The following NKAIN2 variants were observed in gnomAD, a reference collection of about 807,000 sequenced individuals.
NKAIN2 encodes the protein sodium/potassium transporting ATPase interacting 2.
In NKAIN2, 14 loss-of-function variants were observed where a neutral mutation model predicts 32.6. The observed-to-expected ratio is 0.43, with a 90% confidence interval of 0.28 to 0.67. The LOEUF (loss-of-function observed/expected upper bound fraction) is 0.67. Among genes scored for constraint, NKAIN2 ranks in the 30% least tolerant of loss-of-function variants. The pLI, the probability that NKAIN2 is intolerant of heterozygous loss-of-function variation, is 0.17. For synonymous variants in NKAIN2, 80 were observed against 87.2 expected (o/e 0.92, Z 0.46); for missense variants, 198 against 258.3 (o/e 0.77, Z 1.60).
chr6:123,930,652 A>G (rs1776212847), intron 1 of NKAIN2, among the ~76,000 whole-genome samples: 1 of 152,204 alleles, frequency 6.6e-6, no homozygotes, highest in Non-Finnish European at 1.5e-5. Flanking sequence ...CAAATCCCCT[A>G]GAATAGTAGA....
At chr6:124,399,144 C>T (rs62436282) in intron 3 of NKAIN2, among the ~76,000 whole-genome samples, 3,669 of 152,268 alleles carry the variant, frequency 0.024, 98 homozygotes, top group Non-Finnish European at 0.034. Flanking sequence ...CCAGGCTGGT[C>T]TTGAACTCCT....
intron 3 of NKAIN2, among the ~76,000 whole-genome samples, chr6:124,486,399 T>C (rs1397334633): frequency 6.6e-6 from 1 of 152,224 alleles, no homozygotes; most frequent in Non-Finnish European, 1.5e-5. Context: ...ATTTTTAATG[T>C]ATGAAATGTT....
intron 3 of NKAIN2, among the ~76,000 whole-genome samples, chr6:124,380,129 G>A (rs1657264947): frequency 6.6e-6 from 1 of 152,132 alleles, no homozygotes; most frequent in Non-Finnish European, 1.5e-5. Context: ...GAAGCAAGGG[G>A]CAGCCACCGC....
intron 2 of NKAIN2, among the ~76,000 whole-genome samples, chr6:124,343,721 C>G (rs980526353): frequency 6.7e-6 from 1 of 149,598 alleles, no homozygotes; most frequent in Non-Finnish European, 1.5e-5. Flanking sequence ...ATTGTAGATT[C>G]TGGATATTAG....
rs1191297109 is a variant in NKAIN2, at chr6:123,843,816, A to C, written c.54+39562A>C. ...AATGGGGGAAGTGTATGGGTGAACA[A>C]AGGTTGTCTTATGATGCAGCTAAAG... On this transcript the variant is annotated intron_variant, in intron 1 of 6. Transcript: ENST00000368417. Among the ~76,000 whole-genome samples the C allele has an allele frequency of 2.0e-5, 3 of 152,046 alleles. No homozygotes were observed. In the South Asian group the frequency reaches 6.2e-4, roughly 32 times the overall value.
At chr6:124,027,230 C>T (rs1434975427) in intron 1 of NKAIN2, among the ~76,000 whole-genome samples, 1 of 151,854 alleles carries the variant, frequency 6.6e-6, no homozygotes, top group African/African-American at 2.4e-5. Flanking sequence ...ACCTCCGCCT[C>T]CCGGGTTCAA....
chr6:124,757,734 G>A (rs1050404554), intron 4 of NKAIN2, among the ~76,000 whole-genome samples: 1 of 152,150 alleles, frequency 6.6e-6, no homozygotes, highest in East Asian at 1.9e-4. Context: ...GTGTAAGGTT[G>A]TCCAGAAATG....
chr6:124,325,114 T>A (rs149986693), intron 2 of NKAIN2, among the ~76,000 whole-genome samples: 5 of 152,222 alleles, frequency 3.3e-5, no homozygotes, highest in Admixed American at 3.3e-4. Flanking sequence ...ATGATTTGAA[T>A]AGCCTCATCA....
intron 3 of NKAIN2, among the ~76,000 whole-genome samples, chr6:124,625,209 G>GTGA (rs1290239464): frequency 3.3e-5 from 5 of 152,172 alleles, no homozygotes; most frequent in African/African-American, 9.6e-5. Flanking sequence ...AAATTGTGAA[G>GTGA]TGATAGTTGA....
chr6:123,824,767 C>G (rs894449555), intron 1 of NKAIN2, among the ~76,000 whole-genome samples: 1 of 151,750 alleles, frequency 6.6e-6, no homozygotes, highest in African/African-American at 2.4e-5. Context: ...AATTACTATC[C>G]CATTATCCAG....
chr6:124,607,443 C>T (rs1181173287), intron 3 of NKAIN2, among the ~76,000 whole-genome samples: 2 of 152,044 alleles, frequency 1.3e-5, no homozygotes, highest in Non-Finnish European at 2.9e-5. Context: ...CTTATTTGGG[C>T]ATGATACAAT....
chr6:124,381,049 C>T (rs1302008495), intron 3 of NKAIN2, among the ~76,000 whole-genome samples: 1 of 152,026 alleles, frequency 6.6e-6, no homozygotes, highest in Non-Finnish European at 1.5e-5. Context: ...AGTATATTTC[C>T]CTATAAGACC....
chr6:124,662,591 G>C (rs1784788318), intron 4 of NKAIN2, among the ~76,000 whole-genome samples: 1 of 152,206 alleles, frequency 6.6e-6, no homozygotes, highest in Admixed American at 6.5e-5. Context: ...GGTCAGTAAA[G>C]TCACAGATGT....
intron 1 of NKAIN2, among the ~76,000 whole-genome samples, chr6:124,074,178 T>C (rs976807133): frequency 1.3e-5 from 2 of 152,130 alleles, no homozygotes; most frequent in Non-Finnish European, 2.9e-5. Flanking sequence ...AGGGATGAAA[T>C]GTTGCCCACC....
chr6:124,290,855 T>G (rs1448518993), intron 2 of NKAIN2, among the ~76,000 whole-genome samples: 1 of 152,122 alleles, frequency 6.6e-6, no homozygotes, highest in African/African-American at 2.4e-5. Context: ...TGACCATCAC[T>G]ATCTGTAGCT....
intron 1 of NKAIN2, among the ~76,000 whole-genome samples, chr6:123,807,320 T>A (rs1340027939): frequency 6.6e-6 from 1 of 152,112 alleles, no homozygotes; most frequent in African/African-American, 2.4e-5. Flanking sequence ...TTAGGGTGAT[T>A]CCTACGTAAA....
chr6:123,977,936 G>A (rs1263017732), intron 1 of NKAIN2, among the ~76,000 whole-genome samples: 1 of 152,084 alleles, frequency 6.6e-6, no homozygotes, highest in African/African-American at 2.4e-5. Context: ...AAAGAGTGTA[G>A]CTCATGTCTT....
At chr6:124,174,538 G>C (rs1789061022) in intron 1 of NKAIN2, among the ~76,000 whole-genome samples, 1 of 152,142 alleles carries the variant, frequency 6.6e-6, no homozygotes, top group Admixed American at 6.5e-5. Context: ...GTAGTACTCT[G>C]TTCTACAGAG....
intron 1 of NKAIN2, among the ~76,000 whole-genome samples, chr6:124,210,433 T>C (rs971431216): frequency 4.0e-5 from 6 of 151,838 alleles, no homozygotes; most frequent in African/African-American, 9.7e-5. Context: ...TCTTTTGTGG[T>C]TCCATATAAT....
Sources: gnomAD v4.1 joint callset for allele counts (sites outside exome capture counted in the v4.1 genomes callset) on GRCh38, gnomAD v4.1.1 for gene constraint, MANE v1.5 for transcripts, NCBI Gene and HGNC (gene_info 2026-07-23, HGNC 2026-07-21) for gene names.